METAP1D: variants seen among roughly 807,000 people sequenced by gnomAD.
The protein encoded by METAP1D is methionine aminopeptidase 1D, mitochondrial.
METAP1D carries 31 observed loss-of-function variants against 40.5 expected under a neutral mutation model. The ratio of observed to expected loss-of-function variants is 0.77; its 90% CI spans 0.58 to 1.03. The LOEUF (loss-of-function observed/expected upper bound fraction) is 1.03. METAP1D is among the 50% of genes least tolerant of loss of function. The pLI is 0.00. For synonymous variants in METAP1D, 151 were observed against 146.4 expected, an observed-to-expected ratio of 1.03 and a Z score of -0.22; for missense variants, 411 against 420.7, an observed-to-expected ratio of 0.98 and a Z score of 0.20.
At position 172,012,992 on chromosome 2, in the gene METAP1D, A is replaced by G. The variant is rs959863986; in HGVS notation, c.40+12983A>G. Among the ~76,000 whole-genome samples, 7 of 152,196 alleles carry G rather than the reference A, an allele frequency of 4.6e-5. 1 individual carries two copies. Among genetic ancestry groups the G allele is most frequent in the African/African-American group, 1.2e-4 (5 of 41,448 alleles). On this transcript the variant is annotated intron_variant, in intron 1 of 9. Transcript: ENST00000315796. Reference sequence around the variant, plus strand: ...TTGTCTGATTTGTTTTCCAATTCTTATTGTGACTGTAAATCTGGAGAATTT... The same window carrying G: ...TTGTCTGATTTGTTTTCCAATTCTTGTTGTGACTGTAAATCTGGAGAATTT...
chr2:172,004,231 G>A (rs925001305), intron 1 of METAP1D, among the ~76,000 whole-genome samples: 1 of 152,130 alleles, frequency 6.6e-6, no homozygotes, highest in Non-Finnish European at 1.5e-5. Context: ...CATGAGTTAA[G>A]TACTTTAAAC....
intron 1 of METAP1D, among the ~76,000 whole-genome samples, chr2:172,057,390 C>T (rs893140016): frequency 6.6e-6 from 1 of 152,114 alleles, no homozygotes; most frequent in Non-Finnish European, 1.5e-5. Context: ...TCCTGCCTAG[C>T]AATGCAATTA....
intron 1 of METAP1D, among the ~76,000 whole-genome samples, chr2:172,043,045 G>A (rs1260378542): frequency 2.8e-5 from 3 of 108,062 alleles, no homozygotes; most frequent in African/African-American, 6.0e-5. Context: ...GTGTACACGT[G>A]TACACATATA....
At chr2:172,042,641 ATG>A (rs1161463791) in intron 1 of METAP1D, among the ~76,000 whole-genome samples, 7,373 of 14,082 alleles carry the variant, frequency 0.52, 3,647 homozygotes, top group Non-Finnish European at 0.83. Context: ...ACATATACAT[ATG>A]TGTGTATGTG....
At chr2:172,008,025 CTTTTTT>C (rs60404224) in intron 1 of METAP1D, among the ~76,000 whole-genome samples, 1 of 138,046 alleles carries the variant, frequency 7.2e-6, no homozygotes, top group Non-Finnish European at 1.6e-5. Context: ...TTTACTTTCC[CTTTTTT>C]TTTTTTTTTG....
chr2:172,070,990 G>A lies in METAP1D; in HGVS notation c.624G>A (p.Glu208=). 1 of 1,613,346 alleles carries A rather than the reference G, an allele frequency of 6.2e-7. No homozygotes were observed. The highest frequency in any genetic ancestry group is 8.5e-7 in the Non-Finnish European group (1 of 1,179,474). ...ACGAATGTGGTAAAAAGTTAGTGGA[G>A]GTTGCCAGGAGGTGTAGAGATGAAG... The part of the protein sequence containing the change: ...NVDECGKKLV[E]VARRCRDEAI... The change falls in exon 6 of 10, where the codon GAG becomes GAA. Residue 208 remains glutamate (E), a synonymous_variant. Coordinates refer to ENST00000315796, the MANE Select transcript of METAP1D (RefSeq NM_199227.3).
At chr2:172,022,493 TAAAC>T (rs1366133153) in intron 1 of METAP1D, among the ~76,000 whole-genome samples, 3 of 152,294 alleles carry the variant, frequency 2.0e-5, no homozygotes, top group African/African-American at 7.2e-5. Flanking sequence ...CAGCAGTTAT[TAAAC>T]AAATAAGAAA....
chr2:172,062,146 T>C (rs965479794), intron 2 of METAP1D, among the ~76,000 whole-genome samples: 1 of 152,146 alleles, frequency 6.6e-6, no homozygotes, highest in Non-Finnish European at 1.5e-5. Flanking sequence ...CTTTTTTTTT[T>C]CAGAGATTGC....
Position 172,061,863 on chromosome 2 carries a change from A to G in METAP1D, c.198+208A>G. 5.4e-6 allele frequency: 2 copies of G among 367,096 alleles called. 1 individual carries two copies. 22.7% of individuals were successfully genotyped at this position (367,096 alleles called of 1,614,324 possible). A position where few individuals can be genotyped will look rare whatever the true frequency, so the allele number is the denominator to read the frequency against. ...TTTTAAAACAAAGCTCTAAGCTTTC[A>G]ATTGCTTAGAGTATTTAGAATTAAA... On this transcript the variant is annotated intron_variant, in intron 2 of 9. Coordinates refer to ENST00000315796, the MANE Select transcript of METAP1D (RefSeq NM_199227.3).
rs141277524 is a variant in METAP1D, at chr2:172,016,616, G to A, written c.40+16607G>A. On this transcript the variant is annotated intron_variant, in intron 1 of 9. Transcript: ENST00000315796. The stretch of plus-strand genomic sequence containing the variant: ...AGCCTGGGCGATAGAGCCAGACCTT[G>A]CCCCCACCCCCCCAAAAAAGAAAGA... Among the ~76,000 whole-genome samples, 862 of 151,162 alleles carry A rather than the reference G, an allele frequency of 5.7e-3. 11 individuals are homozygous for A. Among genetic ancestry groups the A allele is most frequent in the African/African-American group, 0.018 (751 of 41,148 alleles).
chr2:172,027,851 A>G (rs1010676833), intron 1 of METAP1D, among the ~76,000 whole-genome samples: 6 of 152,220 alleles, frequency 3.9e-5, no homozygotes, highest in African/African-American at 1.4e-4. Flanking sequence ...TAAGAAAGTA[A>G]AGTCTAAACT....
intron 1 of METAP1D, among the ~76,000 whole-genome samples, chr2:172,028,174 G>GA (rs1299386520): frequency 1.2e-5 from 1 of 84,332 alleles, no homozygotes; most frequent in African/African-American, 3.1e-5. Context: ...GACCACTTTA[G>GA]AGAGAGAGGT....
At chr2:172,074,668 T>C (rs1252186895) in intron 6 of METAP1D, among the ~76,000 whole-genome samples, 1 of 152,200 alleles carries the variant, frequency 6.6e-6, no homozygotes, top group African/African-American at 2.4e-5. Flanking sequence ...TTACTAATTG[T>C]ACTTAAACAT....
chr2:172,074,726 T>A (rs1401239432), intron 6 of METAP1D, among the ~76,000 whole-genome samples: 4 of 152,186 alleles, frequency 2.6e-5, no homozygotes, highest in Non-Finnish European at 5.9e-5. Flanking sequence ...TCTTCATTCA[T>A]AACTACTGCC....
intron 1 of METAP1D, among the ~76,000 whole-genome samples, chr2:172,019,487 G>A (rs1186847212): frequency 4.0e-5 from 6 of 151,858 alleles, no homozygotes; most frequent in Non-Finnish European, 7.4e-5. Flanking sequence ...AGGTGGAGGC[G>A]GGAGGATTGT....
chr2:172,068,489 A>G (rs1229174587), intron 5 of METAP1D, among the ~76,000 whole-genome samples: 3 of 151,898 alleles, frequency 2.0e-5, no homozygotes, highest in Admixed American at 6.6e-5. Context: ...AAAGTATTGT[A>G]TTTCTGTATA....
At chr2:172,059,032 C>CT (rs1356715713) in intron 1 of METAP1D, among the ~76,000 whole-genome samples, 3 of 152,100 alleles carry the variant, frequency 2.0e-5, no homozygotes, top group African/African-American at 7.2e-5. Flanking sequence ...GATTGCCCGC[C>CT]TCCATCACCA....
chr2:172,003,467 G>C (rs1398032527), intron 1 of METAP1D, among the ~76,000 whole-genome samples: 1 of 152,214 alleles, frequency 6.6e-6, no homozygotes, highest in South Asian at 2.1e-4. Flanking sequence ...GCAGGACCAG[G>C]TAGAGGTAAT....
intron 8 of METAP1D, 35 bp downstream of exon 8, chr2:172,079,297 C>T: frequency 6.2e-7 from 1 of 1,610,642 alleles, no homozygotes; most frequent in Non-Finnish European, 8.5e-7. Flanking sequence ...GAGTGCGTAG[C>T]TCCTGGTGGA....
Sources: gnomAD v4.1 joint callset for allele counts (sites outside exome capture counted in the v4.1 genomes callset) on GRCh38, gnomAD v4.1.1 for gene constraint, MANE v1.5 for transcripts, NCBI Gene and HGNC (gene_info 2026-07-23, HGNC 2026-07-21) for gene names.